The following TMEM74 variants were observed in gnomAD, a reference collection of about 807,000 sequenced individuals.
The protein encoded by TMEM74 is transmembrane protein 74.
Under a neutral mutation model 18.1 loss-of-function variants are expected in TMEM74, and 13 were observed. The observed-to-expected ratio is 0.72, with a 90% confidence interval of 0.47 to 1.14. The LOEUF (loss-of-function observed/expected upper bound fraction) is 1.14. Among genes scored for constraint, TMEM74 ranks in the 50% most tolerant of loss-of-function variants. The pLI, the probability that TMEM74 is intolerant of heterozygous loss-of-function variation, is 0.00. For synonymous variants in TMEM74, 159 were observed against 146.6 expected (o/e 1.08, Z -0.61); for missense variants, 372 against 375.9 (o/e 0.99, Z 0.09).
chr8:108,692,667 A>G (rs1813242342), intron 1 of TMEM74, among the ~76,000 whole-genome samples: 1 of 152,154 alleles, frequency 6.6e-6, no homozygotes, highest in Admixed American at 6.6e-5. Context: ...GTTAAAACTG[A>G]GCTTATAATT....
chr8:108,696,514 A>G (rs1294954885), intron 1 of TMEM74, among the ~76,000 whole-genome samples: 1 of 152,258 alleles, frequency 6.6e-6, no homozygotes, highest in Non-Finnish European at 1.5e-5. Context: ...TAGCGGTAGC[A>G]AATTGAAACA....
intron 3 of TMEM74, among the ~76,000 whole-genome samples, chr8:108,608,404 C>A (rs551219063): frequency 1.3e-5 from 2 of 152,092 alleles, no homozygotes; most frequent in East Asian, 3.9e-4. Flanking sequence ...TTCCCACCTA[C>A]TAAATTAGAA....
intron 2 of TMEM74, among the ~76,000 whole-genome samples, chr8:108,631,239 C>T (rs932257706): frequency 6.6e-6 from 1 of 151,872 alleles, no homozygotes; most frequent in African/African-American, 2.4e-5. Context: ...AACACAGATG[C>T]TTAATAAAAA....
chr8:108,778,486 C>T (rs1025162924), downstream of TMEM74, among the ~76,000 whole-genome samples: 2 of 152,062 alleles, frequency 1.3e-5, no homozygotes, highest in African/African-American at 2.4e-5. Context: ...TAACAAAAGC[C>T]AAAAGAACTT....
chr8:108,744,515 T>C (rs966734090), intron 1 of TMEM74, among the ~76,000 whole-genome samples: 1 of 152,140 alleles, frequency 6.6e-6, no homozygotes, highest in Non-Finnish European at 1.5e-5. Flanking sequence ...GGTGGTAAAG[T>C]GAATAGTTAC....
chr8:108,623,351 T>A (rs1336620535), intron 2 of TMEM74, among the ~76,000 whole-genome samples: 1 of 152,086 alleles, frequency 6.6e-6, no homozygotes, highest in Middle Eastern at 3.2e-3. Flanking sequence ...TGGGCACTAG[T>A]TCTGCTGGCT....
chr8:108,681,815 A>G (rs1326193691), intron 1 of TMEM74, among the ~76,000 whole-genome samples: 6 of 152,148 alleles, frequency 3.9e-5, no homozygotes. Context: ...AAAATGGTAA[A>G]TTGTATGTTG....
intron 1 of TMEM74, among the ~76,000 whole-genome samples, chr8:108,680,726 G>T (rs1586258592): frequency 6.6e-6 from 1 of 152,200 alleles, no homozygotes; most frequent in African/African-American, 2.4e-5. Flanking sequence ...AAGTCAAATT[G>T]TCCCTGTTTG....
chr8:108,644,693 C>T (rs1256795349), intron 2 of TMEM74, among the ~76,000 whole-genome samples: 1 of 152,064 alleles, frequency 6.6e-6, no homozygotes, highest in African/African-American at 2.4e-5. Flanking sequence ...GCGCAGAGAA[C>T]ATGAACAGAC....
At chr8:108,680,755 A>T (rs1252542892) in intron 1 of TMEM74, among the ~76,000 whole-genome samples, 1 of 152,218 alleles carries the variant, frequency 6.6e-6, no homozygotes, top group African/African-American at 2.4e-5. Context: ...ATGACTGTAT[A>T]TCTAGAAAAC....
At chr8:108,692,964 T>TA (rs1333887818) in intron 1 of TMEM74, among the ~76,000 whole-genome samples, 4 of 151,696 alleles carry the variant, frequency 2.6e-5, no homozygotes, top group African/African-American at 9.7e-5. Flanking sequence ...GGGAACACAG[T>TA]AAAAAATAAA....
chr8:108,620,149 T>C (rs1031366477), intron 2 of TMEM74, among the ~76,000 whole-genome samples: 3 of 152,206 alleles, frequency 2.0e-5, no homozygotes, highest in Non-Finnish European at 4.4e-5. Context: ...TGTTAATGCA[T>C]GTATGTTATA....
intron 1 of TMEM74, among the ~76,000 whole-genome samples, chr8:108,773,128 C>T (rs142310240): frequency 1.5e-4 from 23 of 152,138 alleles, no homozygotes; most frequent in African/African-American, 4.6e-4. Flanking sequence ...AAGTTTTCCT[C>T]GAAATCATGA....
chr8:108,620,607 C>T (rs569646063), intron 2 of TMEM74, among the ~76,000 whole-genome samples: 1 of 152,248 alleles, frequency 6.6e-6, no homozygotes, highest in African/African-American at 2.4e-5. Context: ...GGCATTTAAA[C>T]TCAGGTCTGT....
rs145836010 is a variant in TMEM74, at chr8:108,719,124, A to G, written n.120-63687T>C. Among the ~76,000 whole-genome samples the G allele has an allele frequency of 3.2e-3, 482 of 152,138 alleles. 1 individual carries two copies. Among genetic ancestry groups the G allele is most frequent in the African/African-American group, 0.011 (457 of 41,528 alleles). ...TAGAGTAGAGCAGTTTTTAGAAGAC[A>G]TTTACTTTGAAATACTTTTTACTCT... On this transcript the variant is annotated intron_variant and non_coding_transcript_variant, in intron 1 of 3. Transcript: ENST00000518838.
intron 2 of TMEM74, among the ~76,000 whole-genome samples, chr8:108,620,775 A>G (rs1052553709): frequency 6.6e-6 from 1 of 152,112 alleles, no homozygotes; most frequent in Admixed American, 6.6e-5. Flanking sequence ...GACAGTGTTT[A>G]CTTCTCTTCC....
chr8:108,692,468 C>A (rs1171280416), intron 1 of TMEM74, among the ~76,000 whole-genome samples: 7 of 152,108 alleles, frequency 4.6e-5, no homozygotes, highest in African/African-American at 1.7e-4. Flanking sequence ...ACTGGCATTC[C>A]TCTCTTCTTA....
chr8:108,671,905 G>C (rs987736254), intron 1 of TMEM74, among the ~76,000 whole-genome samples: 1 of 152,188 alleles, frequency 6.6e-6, no homozygotes, highest in Non-Finnish European at 1.5e-5. Flanking sequence ...CCTAGTGCCA[G>C]GATGACAGTG....
At chr8:108,681,185 C>T (rs549977371) in intron 1 of TMEM74, among the ~76,000 whole-genome samples, 38 of 152,164 alleles carry the variant, frequency 2.5e-4, no homozygotes, top group African/African-American at 7.0e-4. Context: ...TCATATGGAA[C>T]CAAAAAAGAG....
Sources: gnomAD v4.1 joint callset for allele counts (sites outside exome capture counted in the v4.1 genomes callset) on GRCh38, gnomAD v4.1.1 for gene constraint, MANE v1.5 for transcripts, NCBI Gene and HGNC (gene_info 2026-07-23, HGNC 2026-07-21) for gene names.